Variants in PHKA1 observed in about 807,000 individuals in gnomAD.
The protein encoded by PHKA1 is phosphorylase b kinase regulatory subunit alpha, skeletal muscle isoform.
A neutral mutation model predicts 110.2 loss-of-function variants in PHKA1; 60 were observed. That is an observed-to-expected ratio of 0.54 (90% CI 0.44 to 0.68). The LOEUF is 0.68. Ranked by LOEUF, PHKA1 falls within the 30% of genes least tolerant of loss-of-function variation. The probability of loss-of-function intolerance (pLI) is 0.00; values close to 1 mark genes in which losing one functional copy is unlikely to be tolerated. For synonymous variants in PHKA1, 316 were observed against 333.6 expected, an observed-to-expected ratio of 0.95 and a Z score of 0.58; for missense variants, 801 against 942.5, an observed-to-expected ratio of 0.85 and a Z score of 1.97.
chrX:72,665,123 G>GT (rs2053603612), intron 8 of PHKA1, among the ~76,000 whole-genome samples: 1 of 111,119 alleles, frequency 9.0e-6, no homozygotes, highest in Non-Finnish European at 1.9e-5. Flanking sequence ...AAAATGAAAA[G>GT]TTTTTTAAAT....
At chrX:72,591,004 T>C (rs1041456821) in intron 29 of PHKA1, among the ~76,000 whole-genome samples, 24 of 111,983 alleles carry the variant, frequency 2.1e-4, no homozygotes, top group African/African-American at 7.1e-4. Flanking sequence ...GACAGTGTGG[T>C]GATTCCTCAA....
At chrX:72,697,652 C>T (rs1447198522) in intron 3 of PHKA1, among the ~76,000 whole-genome samples, 1 of 108,992 alleles carries the variant, frequency 9.2e-6, no homozygotes, top group Admixed American at 9.8e-5. Flanking sequence ...AGAGGCTACA[C>T]TTGGGTTTTT....
rs1255880983 is a variant in PHKA1, at chrX:72,626,304, T to C, written c.1793+667A>G. ...GGTGTTCAGTAGTATTCTTGCAAAT[T>C]TCTGTAAGCTGGAAATTTTTCAAAA... On this transcript the variant is annotated intron_variant, in intron 17 of 31. Transcript: ENST00000373542. 2.7e-5 allele frequency among the ~76,000 whole-genome samples: 3 copies of C among 110,129 alleles called. No homozygotes were observed. In the Admixed American group the frequency reaches 2.9e-4, roughly 11 times the overall value.
chrX:72,685,784 A>C (rs1331106743), intron 4 of PHKA1, among the ~76,000 whole-genome samples: 1 of 112,349 alleles, frequency 8.9e-6, no homozygotes, highest in Non-Finnish European at 1.9e-5. Flanking sequence ...AACAAACAGG[A>C]GGAAAAAGTG....
intron 16 of PHKA1, among the ~76,000 whole-genome samples, chrX:72,628,755 G>A (rs1206250021): frequency 9.3e-6 from 1 of 107,570 alleles, no homozygotes; most frequent in Non-Finnish European, 1.9e-5. Context: ...ACACCTGGCT[G>A]TATTTTTAGT....
At chrX:72,684,052 C>G (rs1205240062) in intron 5 of PHKA1, among the ~76,000 whole-genome samples, 1 of 112,295 alleles carries the variant, frequency 8.9e-6, no homozygotes, top group Admixed American at 9.4e-5. Context: ...AAACCTACCT[C>G]ATATGGTAGT....
chrX:72,643,238 C>T (rs1556296187), intron 14 of PHKA1, among the ~76,000 whole-genome samples: 1 of 110,901 alleles, frequency 9.0e-6, no homozygotes, highest in Non-Finnish European at 1.9e-5. Context: ...TAAAAAAGTA[C>T]ACATACACAC....
At chrX:72,645,947 AG>A (rs1259855844) in intron 13 of PHKA1, among the ~76,000 whole-genome samples, 1 of 112,037 alleles carries the variant, frequency 8.9e-6, no homozygotes, top group African/African-American at 3.2e-5. Context: ...TGAATAAGTT[AG>A]CTAGGAGAAA....
At chrX:72,621,058 T>C (rs2052972582) in intron 18 of PHKA1, among the ~76,000 whole-genome samples, 157 bp from the exon 19 acceptor site, 1 of 111,851 alleles carries the variant, frequency 8.9e-6, no homozygotes, top group Admixed American at 9.5e-5. Context: ...CTTGTGATCA[T>C]GATATAACCT....
chrX:72,684,280 A>C (rs1315865192), intron 5 of PHKA1, among the ~76,000 whole-genome samples: 2 of 111,641 alleles, frequency 1.8e-5, no homozygotes, highest in Non-Finnish European at 3.8e-5. Flanking sequence ...AAAGGAATGA[A>C]AGTATAGCAT....
At chrX:72,608,648 A>G (rs1054030020) in intron 23 of PHKA1, among the ~76,000 whole-genome samples, 1 of 111,420 alleles carries the variant, frequency 9.0e-6, no homozygotes, top group South Asian at 3.8e-4. Flanking sequence ...GGTAACAGAA[A>G]TCATGGACAT....
chrX:72,599,887 A>C (rs782456131), intron 28 of PHKA1: 1 of 529,078 alleles, frequency 1.9e-6, no homozygotes, highest in Admixed American at 2.6e-5. Context: ...AAATTGAGAA[A>C]ATAAAATTTT....
At chrX:72,609,490 T>C (rs1225794317) in intron 23 of PHKA1, 134 bp downstream of exon 23, 2 of 547,715 alleles carry the variant, frequency 3.7e-6, no homozygotes, top group African/African-American at 4.5e-5. Flanking sequence ...ATTACCAACA[T>C]TCTTCCACTA....
intron 5 of PHKA1, among the ~76,000 whole-genome samples, chrX:72,683,688 G>A (rs989556011): frequency 8.9e-6 from 1 of 111,909 alleles, no homozygotes; most frequent in Non-Finnish European, 1.9e-5. Context: ...TGTCACTATA[G>A]ATTTCTAGAA....
intron 3 of PHKA1, 112 bp from the exon 4 acceptor site, chrX:72,695,988 AGG>A: frequency 7.8e-6 from 5 of 639,909 alleles, no homozygotes; most frequent in Non-Finnish European, 1.3e-5. Flanking sequence ...CACTATCTTC[AGG>A]CAATTGTGAA....
At chrX:72,675,439 T>C (rs1360632688) in intron 6 of PHKA1, among the ~76,000 whole-genome samples, 1 of 111,033 alleles carries the variant, frequency 9.0e-6, no homozygotes, top group Non-Finnish European at 1.9e-5. Flanking sequence ...AGAGCTCTTA[T>C]AGACAGCATA....
intron 5 of PHKA1, among the ~76,000 whole-genome samples, chrX:72,677,581 C>CATTT (rs1250790193): frequency 9.0e-6 from 1 of 111,569 alleles, no homozygotes; most frequent in Non-Finnish European, 1.9e-5. Context: ...CTTTCTCTCC[C>CATTT]ATTTATTTAT....
At chrX:72,592,959 T>G in intron 29 of PHKA1, 145 bp downstream of exon 29, 2 of 481,242 alleles carry the variant, frequency 4.2e-6, no homozygotes, top group Non-Finnish European at 7.4e-6. Context: ...ACTGTTTCAT[T>G]TTTATGTTTT....
chrX:72,682,955 A>G (rs1225330761), intron 5 of PHKA1, among the ~76,000 whole-genome samples: 11 of 105,639 alleles, frequency 1.0e-4, no homozygotes, highest in Non-Finnish European at 1.9e-4. Context: ...AAAAAAAAAA[A>G]AAAGAAAGTT....
Sources: allele counts gnomAD v4.1 joint callset (sites outside exome capture counted in the v4.1 genomes callset), GRCh38; gene constraint gnomAD v4.1.1; transcripts MANE v1.5; gene names NCBI Gene and HGNC (gene_info 2026-07-23, HGNC 2026-07-21).